CUBN: variants seen among roughly 807,000 people sequenced by gnomAD.
The protein encoded by CUBN is cubilin.
In CUBN, 282 loss-of-function variants were observed where a neutral mutation model predicts 405.3. The observed-to-expected ratio is 0.70, with a 90% CI of 0.63 to 0.77. The LOEUF (loss-of-function observed/expected upper bound fraction) is 0.77. Among genes scored for constraint, CUBN ranks in the 30% least tolerant of loss-of-function variants. The pLI, the probability that CUBN is intolerant of heterozygous loss-of-function variation, is 0.00. For synonymous variants in CUBN, 1,684 were observed against 1,617.0 expected (o/e 1.04, Z -0.99); for missense variants, 4,514 against 4,475.2 (o/e 1.01, Z -0.25).
chr10:17,016,276 C>T (rs1413616116), intron 28 of CUBN, among the ~76,000 whole-genome samples: 2 of 152,146 alleles, frequency 1.3e-5, no homozygotes, highest in South Asian at 2.1e-4. Flanking sequence ...GAGCACAGGT[C>T]ATTGGATGTT....
intron 60 of CUBN, among the ~76,000 whole-genome samples, chr10:16,845,858 A>G (rs1404724418): frequency 2.6e-5 from 4 of 152,272 alleles, no homozygotes; most frequent in Admixed American, 6.5e-5. Context: ...GACCTTCTCA[A>G]TGAGGTCAAT....
chr10:16,972,877 C>A (rs1465870183), intron 31 of CUBN, among the ~76,000 whole-genome samples: 1 of 152,070 alleles, frequency 6.6e-6, no homozygotes, highest in Non-Finnish European at 1.5e-5. Context: ...AAGACCACTG[C>A]CTACTATGAG....
intron 31 of CUBN, among the ~76,000 whole-genome samples, chr10:16,957,172 T>C (rs985502146): frequency 6.6e-6 from 1 of 152,110 alleles, no homozygotes; most frequent in Non-Finnish European, 1.5e-5. Flanking sequence ...CTTTGACAAA[T>C]ATCTCCCCAT....
chr10:17,122,524 ACT>A (rs1292958147), intron 6 of CUBN: 2 of 504,234 alleles, frequency 4.0e-6, no homozygotes, highest in South Asian at 3.3e-5. Flanking sequence ...GGCCATGCTT[ACT>A]CTCTGTGCCA....
At chr10:17,032,969 C>T (rs1005144719) in intron 27 of CUBN, among the ~76,000 whole-genome samples, 6 of 152,166 alleles carry the variant, frequency 3.9e-5, no homozygotes, top group Non-Finnish European at 8.8e-5. Flanking sequence ...TCTCATGCTT[C>T]CTCCCCAGCA....
chr10:16,912,407 CTG>C (rs1306494564), intron 48 of CUBN, among the ~76,000 whole-genome samples: 1 of 152,168 alleles, frequency 6.6e-6, no homozygotes, highest in Non-Finnish European at 1.5e-5. Flanking sequence ...GTGAATGAAA[CTG>C]TGGCTTGACC....
At chr10:16,954,032 T>C (rs1842987233) in intron 32 of CUBN, among the ~76,000 whole-genome samples, 1 of 152,200 alleles carries the variant, frequency 6.6e-6, no homozygotes, top group Admixed American at 6.5e-5. Flanking sequence ...GGGGCTGGCA[T>C]CTGAATACAT....
intron 54 of CUBN, among the ~76,000 whole-genome samples, chr10:16,892,733 A>T (rs1415446089): frequency 6.6e-6 from 1 of 152,052 alleles, no homozygotes; most frequent in East Asian, 1.9e-4. Flanking sequence ...GACTCAACTG[A>T]TCTGCCTGTC....
intron 65 of CUBN, among the ~76,000 whole-genome samples, chr10:16,829,720 G>A (rs1838917674): frequency 6.6e-6 from 1 of 152,232 alleles, no homozygotes; most frequent in African/African-American, 2.4e-5. Context: ...CATAGTTACA[G>A]AGCACGTGGC....
intron 47 of CUBN, among the ~76,000 whole-genome samples, 174 bp downstream of exon 47, chr10:16,914,858 T>C (rs1222093423): frequency 2.6e-5 from 4 of 152,186 alleles, no homozygotes; most frequent in Non-Finnish European, 4.4e-5. Context: ...TTTTCCCTTA[T>C]AGCATTGATC....
intron 31 of CUBN, among the ~76,000 whole-genome samples, chr10:16,954,835 G>A (rs1843008257): frequency 6.6e-6 from 1 of 152,082 alleles, no homozygotes; most frequent in Non-Finnish European, 1.5e-5. Context: ...CAACCCCAGT[G>A]TAGTCACCTC....
chr10:16,890,616 C>T (rs1159882459), intron 54 of CUBN, 89 bp from the exon 55 acceptor site: 12 of 1,239,374 alleles, frequency 9.7e-6, no homozygotes, highest in Admixed American at 6.7e-5. Flanking sequence ...GGCACTCACA[C>T]GTATACAGAA....
chr10:16,858,915 C>G (rs1009002556), intron 59 of CUBN, among the ~76,000 whole-genome samples: 1 of 152,148 alleles, frequency 6.6e-6, no homozygotes, highest in Non-Finnish European at 1.5e-5. Context: ...AGCAATTGGA[C>G]ATCCAGAGGC....
intron 66 of CUBN, among the ~76,000 whole-genome samples, chr10:16,826,905 C>A (rs900182676): frequency 6.6e-6 from 1 of 152,146 alleles, no homozygotes; most frequent in Admixed American, 6.5e-5. Context: ...AATATAAAGT[C>A]ATGGTATTGT....
chr10:17,014,311 T>G (rs1226565974), intron 28 of CUBN, among the ~76,000 whole-genome samples: 1 of 152,192 alleles, frequency 6.6e-6, no homozygotes, highest in African/African-American at 2.4e-5. Flanking sequence ...TGGGAAAGCT[T>G]AAAGCTGGAG....
chr10:17,038,528 TG>T (rs1197346707), intron 27 of CUBN, among the ~76,000 whole-genome samples: 1 of 152,242 alleles, frequency 6.6e-6, no homozygotes, highest in East Asian at 1.9e-4. Flanking sequence ...GGATAGTGTC[TG>T]ACCAGCACGT....
intron 45 of CUBN, among the ~76,000 whole-genome samples, chr10:16,916,252 T>C (rs1323953510): frequency 6.6e-6 from 1 of 152,192 alleles, no homozygotes; most frequent in African/African-American, 2.4e-5. Flanking sequence ...ACAAGTCCAA[T>C]ACAATAATGG....
intron 31 of CUBN, among the ~76,000 whole-genome samples, chr10:16,974,835 A>G (rs892119450): frequency 1.3e-5 from 2 of 152,150 alleles, no homozygotes; most frequent in Non-Finnish European, 2.9e-5. Context: ...CTTTATGATG[A>G]TCAACTTCCA....
intron 60 of CUBN, 41 bp from the exon 61 acceptor site, chr10:16,841,088 A>C: frequency 6.3e-7 from 1 of 1,596,334 alleles, no homozygotes; most frequent in Non-Finnish European, 8.6e-7. Flanking sequence ...ATTACTTACA[A>C]AAAATTGCAT....
Sources: gnomAD v4.1 joint callset for allele counts (sites outside exome capture counted in the v4.1 genomes callset) on GRCh38, gnomAD v4.1.1 for gene constraint, MANE v1.5 for transcripts, NCBI Gene and HGNC (gene_info 2026-07-23, HGNC 2026-07-21) for gene names.